SLC8A3: variants seen among roughly 807,000 people sequenced by gnomAD.
SLC8A3 encodes sodium/calcium exchanger 3.
A neutral mutation model predicts 65.4 loss-of-function variants in SLC8A3; 37 were observed. The ratio of observed to expected loss-of-function variants is 0.57; its 90% CI spans 0.44 to 0.74. The LOEUF (loss-of-function observed/expected upper bound fraction) is 0.74, where lower values mean the gene tolerates loss of function less well. Among genes scored for constraint, SLC8A3 ranks in the 30% least tolerant of loss-of-function variants. The pLI is 0.00. For missense variants in SLC8A3, 1,112 were observed against 1,172.1 expected, an observed-to-expected ratio of 0.95 and a Z score of 0.75; for synonymous variants, 461 against 444.5, an observed-to-expected ratio of 1.04 and a Z score of -0.47.
intron 2 of SLC8A3, among the ~76,000 whole-genome samples, chr14:70,138,919 C>T (rs1261836859): frequency 6.6e-6 from 1 of 152,222 alleles, no homozygotes; most frequent in Non-Finnish European, 1.5e-5. Flanking sequence ...TTGGCTATCA[C>T]TTAGAAAATA....
chr14:70,098,484 G>T (rs770555769), intron 2 of SLC8A3, among the ~76,000 whole-genome samples: 7 of 152,204 alleles, frequency 4.6e-5, no homozygotes, highest in Non-Finnish European at 1.0e-4. Flanking sequence ...AGAAGAAAGT[G>T]TCTGCGAGGG....
chr14:70,058,762 T>C (rs1405854471), intron 3 of SLC8A3, among the ~76,000 whole-genome samples: 1 of 152,200 alleles, frequency 6.6e-6, no homozygotes, highest in Non-Finnish European at 1.5e-5. Flanking sequence ...AAGGCATGTA[T>C]GGACTTCCAA....
chr14:70,093,741 T>C (rs1469064631), intron 2 of SLC8A3, among the ~76,000 whole-genome samples: 1 of 152,196 alleles, frequency 6.6e-6, no homozygotes, highest in Non-Finnish European at 1.5e-5. Context: ...TTGACTCAAT[T>C]GTCAAACAAA....
intron 2 of SLC8A3, among the ~76,000 whole-genome samples, chr14:70,096,845 G>A (rs1892214579): frequency 6.6e-6 from 1 of 152,148 alleles, no homozygotes; most frequent in Non-Finnish European, 1.5e-5. Context: ...GAGGAGGGAA[G>A]CTGTAAACTT....
At position 70,101,689 on chromosome 14, in the gene SLC8A3, A is replaced by G. The variant is rs147558563; in HGVS notation, c.1785-40750T>C. ...GGTACTAGAAATGATCTCCCATTGAAAACAATCATAAAACTGGAAAAACAA... is the reference window on the plus strand; with the variant it reads ...GGTACTAGAAATGATCTCCCATTGAGAACAATCATAAAACTGGAAAAACAA... On this transcript the variant is annotated intron_variant, in intron 2 of 6. Transcript: ENST00000356921. Among the ~76,000 whole-genome samples, 116 of 152,350 alleles carry G rather than the reference A, an allele frequency of 7.6e-4. 1 individual carries two copies. In the East Asian group the frequency reaches 0.018, roughly 24 times the overall value.
chr14:70,049,522 C>T (rs1482783829), intron 5 of SLC8A3, among the ~76,000 whole-genome samples: 1 of 151,938 alleles, frequency 6.6e-6, no homozygotes, highest in African/African-American at 2.4e-5. Flanking sequence ...AGGAGAAATA[C>T]CTAATGTAGA....
chr14:70,065,049 G>C (rs1240181772), intron 2 of SLC8A3, among the ~76,000 whole-genome samples: 1 of 152,274 alleles, frequency 6.6e-6, no homozygotes, highest in East Asian at 1.9e-4. Context: ...GAGTGAGGAG[G>C]CCTGAGCAGG....
intron 2 of SLC8A3, among the ~76,000 whole-genome samples, chr14:70,065,929 T>G (rs546854941): frequency 1.3e-5 from 2 of 152,290 alleles, no homozygotes; most frequent in South Asian, 4.1e-4. Flanking sequence ...ATGTTAAGGG[T>G]GGTAACAGAG....
intron 1 of SLC8A3, among the ~76,000 whole-genome samples, chr14:70,188,101 C>G (rs1451612836): frequency 6.6e-6 from 1 of 152,158 alleles, no homozygotes; most frequent in East Asian, 1.9e-4. Flanking sequence ...TCTGCCCCTC[C>G]CCACCCGGCG....
intron 2 of SLC8A3, among the ~76,000 whole-genome samples, chr14:70,110,456 G>T (rs1167905823): frequency 6.6e-6 from 1 of 151,772 alleles, no homozygotes; most frequent in Non-Finnish European, 1.5e-5. Context: ...TTCTTTCTGT[G>T]CCTGGCTTAT....
intron 1 of SLC8A3, among the ~76,000 whole-genome samples, chr14:70,175,375 C>CTA (rs749601558): frequency 1.5e-4 from 23 of 152,164 alleles, no homozygotes; most frequent in Non-Finnish European, 2.4e-4. Flanking sequence ...TACCCAAGGT[C>CTA]TACCAGCTGA....
intron 2 of SLC8A3, among the ~76,000 whole-genome samples, chr14:70,160,964 G>A (rs1306125440): frequency 2.0e-5 from 3 of 151,376 alleles, no homozygotes; most frequent in Non-Finnish European, 4.4e-5. Flanking sequence ...ACATAGCATG[G>A]TCGGGCACGG....
intron 2 of SLC8A3, among the ~76,000 whole-genome samples, chr14:70,061,286 T>C (rs1298260687): frequency 1.3e-5 from 2 of 152,014 alleles, no homozygotes; most frequent in Admixed American, 1.3e-4. Context: ...CAACAGTTAG[T>C]AGGAAGTGAG....
chr14:70,105,157 G>A (rs539145571), intron 2 of SLC8A3, among the ~76,000 whole-genome samples: 25 of 152,078 alleles, frequency 1.6e-4, no homozygotes, highest in African/African-American at 4.1e-4. Flanking sequence ...GTGAAACCCC[G>A]TCTCTACTAA....
intron 2 of SLC8A3, among the ~76,000 whole-genome samples, chr14:70,133,000 C>T (rs2140239697): frequency 6.6e-6 from 1 of 151,952 alleles, no homozygotes; most frequent in East Asian, 1.9e-4. Context: ...CCAGGTTTGA[C>T]ACTCAATAAA....
intron 2 of SLC8A3, among the ~76,000 whole-genome samples, chr14:70,085,608 A>C (rs6573923): frequency 6.6e-6 from 1 of 152,092 alleles, no homozygotes; most frequent in Non-Finnish European, 1.5e-5. Flanking sequence ...CGATGCCAAC[A>C]CTATGCAGAG....
In SLC8A3 at chr14:70,168,217, G is replaced by A. The variant is rs1263761027; in HGVS notation, c.206C>T (p.Ser69Phe). Residue 69 changes from serine to phenylalanine, a missense_variant, in exon 2 of 7, where the codon TCC (serine) becomes TTC (phenylalanine). Transcript: ENST00000356921. ...ILPIWYPENP[S>F]LGDKIARVIV... ...GACCCTGGCAATCTTGTCCCCAAGG[G>A]AAGGGTTCTCCGGGTACCAGATTGG... The A allele has an allele frequency of 1.2e-6, 2 of 1,614,156 alleles. No homozygotes were observed. The highest frequency in any genetic ancestry group is 2.2e-5 in the East Asian group (1 of 44,876).
At chr14:70,157,850 G>T (rs892766586) in intron 2 of SLC8A3, among the ~76,000 whole-genome samples, 1 of 152,216 alleles carries the variant, frequency 6.6e-6, no homozygotes, top group African/African-American at 2.4e-5. Context: ...GGAGATATCA[G>T]TCTTCCTGGT....
chr14:70,091,235 A>C (rs756463453), intron 2 of SLC8A3, among the ~76,000 whole-genome samples: 9 of 152,188 alleles, frequency 5.9e-5, no homozygotes, highest in Non-Finnish European at 1.0e-4. Flanking sequence ...ATGGGATTTA[A>C]TTTTATGGCA....
Sources: gnomAD v4.1 joint callset for allele counts (sites outside exome capture counted in the v4.1 genomes callset) on GRCh38, gnomAD v4.1.1 for gene constraint, MANE v1.5 for transcripts, NCBI Gene and HGNC (gene_info 2026-07-23, HGNC 2026-07-21) for gene names.